CHN2: variants seen among roughly 807,000 people sequenced by gnomAD.
The protein encoded by CHN2 is beta-chimaerin.
Under a neutral mutation model 56.3 loss-of-function variants are expected in CHN2, and 35 were observed. The ratio of observed to expected loss-of-function variants is 0.62; its 90% CI spans 0.47 to 0.82. The LOEUF (loss-of-function observed/expected upper bound fraction) is 0.82. Among genes scored for constraint, CHN2 ranks in the 40% least tolerant of loss-of-function variants. The pLI, the probability that CHN2 is intolerant of heterozygous loss-of-function variation, is 0.00. For missense variants in CHN2, 491 were observed against 580.5 expected, an observed-to-expected ratio of 0.85 and a Z score of 1.58; for synonymous variants, 210 against 212.8, an observed-to-expected ratio of 0.99 and a Z score of 0.12.
chr7:29,292,503 A>G (rs1216700033), intron 1 of CHN2, among the ~76,000 whole-genome samples: 6 of 152,238 alleles, frequency 3.9e-5, no homozygotes, highest in Non-Finnish European at 7.3e-5. Flanking sequence ...ACCCCTGCCA[A>G]TTGGCATATT....
chr7:29,473,581 C>A (rs528744633), intron 6 of CHN2, among the ~76,000 whole-genome samples: 1 of 150,078 alleles, frequency 6.7e-6, no homozygotes, highest in Non-Finnish European at 1.5e-5. Flanking sequence ...AGTGTGGCCC[C>A]GAGACGAGCA....
intron 1 of CHN2, among the ~76,000 whole-genome samples, chr7:29,278,534 A>T (rs1258053426): frequency 6.6e-6 from 1 of 151,794 alleles, no homozygotes; most frequent in Non-Finnish European, 1.5e-5. Context: ...GCAGCTCATT[A>T]GTAGGTTCTA....
At chr7:29,269,315 T>C (rs933499604) in intron 1 of CHN2, among the ~76,000 whole-genome samples, 2 of 152,258 alleles carry the variant, frequency 1.3e-5, no homozygotes, top group Non-Finnish European at 2.9e-5. Context: ...TGTCTTTTTG[T>C]GTTTGGCTTA....
At chr7:29,338,248 A>G (rs183466601) in intron 1 of CHN2, among the ~76,000 whole-genome samples, 2 of 152,322 alleles carry the variant, frequency 1.3e-5, no homozygotes, top group Admixed American at 1.3e-4. Context: ...GAGTTGGCCA[A>G]CTTTGGGCAA....
intron 1 of CHN2, among the ~76,000 whole-genome samples, chr7:29,342,477 TG>T (rs1351758260): frequency 6.6e-6 from 1 of 152,224 alleles, no homozygotes; most frequent in Non-Finnish European, 1.5e-5. Flanking sequence ...CCATGATCTA[TG>T]GGTTGCTTTA....
At chr7:29,286,146 T>C (rs921952684) in intron 1 of CHN2, among the ~76,000 whole-genome samples, 1 of 151,900 alleles carries the variant, frequency 6.6e-6, no homozygotes, top group Non-Finnish European at 1.5e-5. Context: ...CCCACCCTTT[T>C]ATAGTTTGCT....
chr7:29,256,479 C>T (rs1176411184), intron 1 of CHN2, among the ~76,000 whole-genome samples: 1 of 152,166 alleles, frequency 6.6e-6, no homozygotes, highest in Non-Finnish European at 1.5e-5. Context: ...ATATTTTAAC[C>T]TTTACCTTGT....
chr7:29,165,224 A>C (rs570853838), intron 2 of CHN2, among the ~76,000 whole-genome samples: 106 of 151,448 alleles, frequency 7.0e-4, no homozygotes, highest in Non-Finnish European at 1.2e-3. Flanking sequence ...ACAATGTTTT[A>C]TGGTTTTTGA....
intron 1 of CHN2, among the ~76,000 whole-genome samples, chr7:29,294,825 T>G (rs1016275625): frequency 6.6e-6 from 1 of 152,228 alleles, no homozygotes; most frequent in Non-Finnish European, 1.5e-5. Flanking sequence ...CTATTTATGC[T>G]TGCTGAAATT....
chr7:29,268,659 A>G (rs180823720), intron 1 of CHN2, among the ~76,000 whole-genome samples: 101 of 152,314 alleles, frequency 6.6e-4, no homozygotes, highest in Admixed American at 1.6e-3. Flanking sequence ...GATCTGTGCT[A>G]AATGGAGCTG....
At chr7:29,147,121 T>C (rs1444452088) in intron 2 of CHN2, 2 of 945,676 alleles carry the variant, frequency 2.1e-6, no homozygotes, top group East Asian at 5.3e-5. Flanking sequence ...TCACATTGCT[T>C]GTAAGTGACC....
At chr7:29,252,984 T>C (rs1371025764) in intron 1 of CHN2, among the ~76,000 whole-genome samples, 1 of 152,148 alleles carries the variant, frequency 6.6e-6, no homozygotes, top group Non-Finnish European at 1.5e-5. Context: ...CATCCAAACA[T>C]GTAAGTGGCT....
chr7:29,307,412 A>G lies in CHN2; in HGVS notation c.50-47213A>G, dbSNP rs569135747. ...TCAATTTACAAGTAATGGTATTCCTACTGTGGTGAACCGAATAATGGTCCC... is the reference window on the plus strand; with the variant it reads ...TCAATTTACAAGTAATGGTATTCCTGCTGTGGTGAACCGAATAATGGTCCC... On this transcript the variant is annotated intron_variant, in intron 1 of 12. Transcript: ENST00000222792. Among the ~76,000 whole-genome samples the G allele has an allele frequency of 3.9e-5, 6 of 152,340 alleles. No homozygotes were observed. In the East Asian group the frequency reaches 1.2e-3, roughly 29 times the overall value.
intron 1 of CHN2, among the ~76,000 whole-genome samples, chr7:29,219,108 G>T (rs1393835921): frequency 6.6e-6 from 1 of 152,126 alleles, no homozygotes; most frequent in African/African-American, 2.4e-5. Context: ...TTTTGAAACC[G>T]CAGTGGCCCA....
At chr7:29,216,620 G>A (rs1785365881) in intron 1 of CHN2, among the ~76,000 whole-genome samples, 1 of 152,164 alleles carries the variant, frequency 6.6e-6, no homozygotes, top group Admixed American at 6.5e-5. Flanking sequence ...TCAGTGAGCT[G>A]GTTCAGGTCT....
intron 2 of CHN2, among the ~76,000 whole-genome samples, chr7:29,156,581 C>T (rs917949333): frequency 6.6e-5 from 10 of 152,140 alleles, no homozygotes; most frequent in Non-Finnish European, 1.3e-4. Context: ...CTAAGGCATC[C>T]CCGATAAAGG....
intron 9 of CHN2, 105 bp from the exon 10 acceptor site, chr7:29,504,639 T>G: frequency 1.4e-6 from 1 of 714,504 alleles, no homozygotes; most frequent in African/African-American, 1.8e-5. Flanking sequence ...CTGTCTATGT[T>G]TGCTCATTTT....
At chr7:29,332,183 A>G (rs1796275819) in intron 1 of CHN2, among the ~76,000 whole-genome samples, 1 of 152,130 alleles carries the variant, frequency 6.6e-6, no homozygotes, top group African/African-American at 2.4e-5. Flanking sequence ...AGACTGTCCA[A>G]GCTCCACCCA....
intron 6 of CHN2, among the ~76,000 whole-genome samples, chr7:29,418,118 A>G (rs554884421): frequency 6.6e-6 from 1 of 152,392 alleles, no homozygotes; most frequent in South Asian, 2.1e-4. Context: ...TTTCCAAGAC[A>G]AAATGAGCCT....
Sources: allele counts gnomAD v4.1 joint callset (sites outside exome capture counted in the v4.1 genomes callset), GRCh38; gene constraint gnomAD v4.1.1; transcripts MANE v1.5; gene names NCBI Gene and HGNC (gene_info 2026-07-23, HGNC 2026-07-21).